TIMELESS: variants seen among roughly 807,000 people sequenced by gnomAD.
The protein encoded by TIMELESS is protein timeless homolog.
Under a neutral mutation model 164.3 loss-of-function variants are expected in TIMELESS, and 124 were observed. The observed-to-expected ratio is 0.75, with a 90% CI of 0.65 to 0.88. TIMELESS has a LOEUF of 0.88. Ranked by LOEUF, TIMELESS falls within the 40% of genes least tolerant of loss-of-function variation. The pLI, the probability that TIMELESS is intolerant of heterozygous loss-of-function variation, is 0.00. For missense variants in TIMELESS, 1,422 were observed against 1,491.4 expected (o/e 0.95, Z 0.77); for synonymous variants, 564 against 563.4 (o/e 1.00, Z -0.02).
chr12:56,423,231 T>G lies in TIMELESS; in HGVS notation c.2292+43A>C, dbSNP rs1344006860. 3.1e-6 allele frequency: 5 copies of G among 1,605,794 alleles called. No individual in the cohort carries two copies. In the South Asian group the frequency reaches 4.4e-5, roughly 14 times the overall value. ...TGAAGATTATTTATTTACCTGAGGGTTCCCATACCCTTCCAGAACCCCATT... is the reference window on the plus strand; with the variant it reads ...TGAAGATTATTTATTTACCTGAGGGGTCCCATACCCTTCCAGAACCCCATT... On this transcript the variant is annotated intron_variant, in intron 18 of 28. Coordinates refer to ENST00000553532, the MANE Select transcript of TIMELESS (RefSeq NM_003920.5).
At chr12:56,432,969 A>AG (rs1462806367) in intron 6 of TIMELESS, 57 bp downstream of exon 6, 5 of 1,227,820 alleles carry the variant, frequency 4.1e-6, no homozygotes, top group Non-Finnish European at 5.6e-6. Flanking sequence ...AAAAAAAAAA[A>AG]AAAAAGGCAG....
rs1881917207 is a variant in TIMELESS, at chr12:56,432,380, A to T, written c.676T>A (p.Phe226Ile). The change falls in exon 7 of 29, where the codon TTT becomes ATT. Residue 226 changes from phenylalanine (F) to isoleucine (I), a missense_variant. By Grantham distance (21) the Phe-to-Ile change is conservative. Coordinates refer to ENST00000553532, the MANE Select transcript of TIMELESS (RefSeq NM_003920.5). ...LHVLEIVSLM[F>I]RDQNPEQLAG... The stretch of plus-strand genomic sequence containing the variant: ...GGCCAGGGTCTCACCTGGTCACGAA[A>T]CATAAGGGAGACAATCTCTAGCACA... The T allele has an allele frequency of 6.2e-7, 1 of 1,613,744 alleles. No homozygotes were observed. The highest frequency in any genetic ancestry group is 1.3e-5 in the African/African-American group (1 of 74,934).
At chr12:56,431,278 C>T (rs1881869062) in intron 8 of TIMELESS, among the ~76,000 whole-genome samples, 193 bp downstream of exon 8, 1 of 150,500 alleles carries the variant, frequency 6.6e-6, no homozygotes, top group African/African-American at 2.4e-5. Context: ...CGCTTGAACC[C>T]AGGAGACAGA....
intron 26 of TIMELESS, 67 bp from the exon 27 acceptor site, chr12:56,418,426 T>A: frequency 8.8e-7 from 1 of 1,137,542 alleles, no homozygotes; most frequent in Non-Finnish European, 1.3e-6. Context: ...TGATATTCAT[T>A]GAATATATAT....
intron 8 of TIMELESS, 87 bp from the exon 9 acceptor site, chr12:56,431,055 T>G: frequency 1.1e-6 from 1 of 947,762 alleles, no homozygotes; most frequent in Non-Finnish European, 1.6e-6. Flanking sequence ...TGGAGCAAGT[T>G]AAAACTACAA....
chr12:56,433,114 C>T lies in TIMELESS; in HGVS notation c.443G>A (p.Arg148Gln), dbSNP rs779109612. 51 of 1,613,966 alleles carry T rather than the reference C, an allele frequency of 3.2e-5. No individual in the cohort carries two copies. Among genetic ancestry groups the T allele is most frequent in the East Asian group, 4.5e-5 (2 of 44,892 alleles). Residue 148 changes from arginine to glutamine, a missense_variant, in exon 6 of 29, where the codon CGG becomes CAG. Arg to Gln is a conservative substitution (Grantham distance 43). Coordinates refer to ENST00000553532, the MANE Select transcript of TIMELESS (RefSeq NM_003920.5). The stretch of plus-strand genomic sequence containing the variant: ...AATCAGCAAGTTGTCTTCCTCCTGC[C>T]GTTCCTCCCAGCCCTAACCAGAAGA... ...YELLQLGWEE[R>Q]QEEDNLLIER...
At position 56,417,647 on chromosome 12, in the gene TIMELESS, C is replaced by T; in HGVS notation, c.*69G>A. On this transcript the variant is annotated 3_prime_UTR_variant, in exon 29 of 29. Coordinates refer to ENST00000553532, the MANE Select transcript of TIMELESS (RefSeq NM_003920.5). ...GAGGAGCTTCTGGGTCCTGTATGAC[C>T]CTTCCAACTCTGACTTGAATGCACC... The T allele has an allele frequency of 6.6e-7, 1 of 1,509,704 alleles. No individual in the cohort carries two copies. Among genetic ancestry groups the T allele is most frequent in the African/African-American group, 1.4e-5 (1 of 72,932 alleles). 93.5% of individuals were successfully genotyped at this position (1,509,704 alleles called of 1,614,324 possible). A position where few individuals can be genotyped will look rare whatever the true frequency, so the allele number is the denominator to read the frequency against.
At chr12:56,443,684 C>G (rs1868309879) in intron 1 of TIMELESS, among the ~76,000 whole-genome samples, 1 of 152,174 alleles carries the variant, frequency 6.6e-6, no homozygotes, top group African/African-American at 2.4e-5. Context: ...AAGTCGCCAT[C>G]ATGGTCCTAC....
chr12:56,437,075 G>A (rs925733982), intron 1 of TIMELESS, among the ~76,000 whole-genome samples: 10 of 151,778 alleles, frequency 6.6e-5, no homozygotes, highest in South Asian at 2.1e-4. Flanking sequence ...AATTACAGGC[G>A]CACGCCACCA....
rs1309005040 is a variant in TIMELESS at position 56,425,892 on chromosome 12, AT to A, written c.1579-741del. On this transcript the variant is annotated intron_variant, in intron 13 of 28. Transcript: ENST00000553532. The stretch of plus-strand genomic sequence containing the variant: ...CCTGCTTAAAAAAATAAATAAATAA[AT>A]AAATAATTAAAAAAAAGAAAAGCAG... 5.9e-5 allele frequency among the ~76,000 whole-genome samples: 9 copies of A among 152,090 alleles called. No individual in the cohort carries two copies. The East Asian group carries it at 1.2e-3, about 20-fold the overall frequency.
chr12:56,421,351 C>T lies in TIMELESS; in HGVS notation c.2868G>A (p.Leu956=). ...KRQKKLASSI[L]PNGAESLKDF... ...AGCAGAGCTAGGGTCAGATTGTTAC[C>T]AAGATGGAGGATGCCAACTTTTTCT... The change falls in exon 23 of 29, where the codon TTG becomes TTA. Residue 956 remains leucine, a splice_region_variant and synonymous_variant. Coordinates refer to ENST00000553532, the MANE Select transcript of TIMELESS (RefSeq NM_003920.5). The T allele has an allele frequency of 6.2e-7, 1 of 1,613,400 alleles. No individual in the cohort carries two copies. The highest frequency in any genetic ancestry group is 8.5e-7 in the Non-Finnish European group (1 of 1,179,666).
At chr12:56,436,304 A>G (rs563981328) in intron 1 of TIMELESS, among the ~76,000 whole-genome samples, 2 of 152,004 alleles carry the variant, frequency 1.3e-5, no homozygotes, top group East Asian at 3.9e-4. Flanking sequence ...AAATACAAAA[A>G]TTAGCTGGGT....
At chr12:56,420,778 G>A (rs1881446859) in intron 25 of TIMELESS, 35 bp downstream of exon 25, 1 of 1,613,650 alleles carries the variant, frequency 6.2e-7, no homozygotes, top group Non-Finnish European at 8.5e-7. Flanking sequence ...TAGCCTCCAG[G>A]GCTCTTCTCC....
intron 1 of TIMELESS, among the ~76,000 whole-genome samples, chr12:56,439,872 T>C (rs1667683453): frequency 6.6e-6 from 1 of 152,214 alleles, no homozygotes; most frequent in Admixed American, 6.5e-5. Flanking sequence ...ATTTAATAAA[T>C]ATGACTTCAT....
At chr12:56,418,462 AG>A in intron 26 of TIMELESS, 103 bp from the exon 27 acceptor site, 2 of 795,212 alleles carry the variant, frequency 2.5e-6, no homozygotes, top group Non-Finnish European at 4.0e-6. Flanking sequence ...AAGATCCACA[AG>A]GGTTGTGAAC....
At chr12:56,426,121 T>G (rs1881669702) in intron 13 of TIMELESS, among the ~76,000 whole-genome samples, 1 of 152,180 alleles carries the variant, frequency 6.6e-6, no homozygotes, top group African/African-American at 2.4e-5. Context: ...TTAGTATTAC[T>G]AACAAGACTT....
At chr12:56,439,082 C>T (rs1323597768) in intron 1 of TIMELESS, among the ~76,000 whole-genome samples, 1 of 142,194 alleles carries the variant, frequency 7.0e-6, no homozygotes, top group Non-Finnish European at 1.5e-5. Context: ...AGGAGAATCG[C>T]TTGAGCCCTG....
Position 56,432,499 on chromosome 12 carries a change from T to C in TIMELESS, c.557A>G (p.His186Arg), listed in dbSNP as rs759044547. ...GTGAATCGCCCAGAGGAGCTGGTCA[T>C]GGGCACTGGCGTCATCATCAATCTT... ...EKKIDDDASA[H>R]DQLLWAIHLS... is the part of the protein sequence containing the mutation. Residue 186 changes from histidine (H) to arginine (R), a missense_variant, in exon 7 of 29, where the codon CAT becomes CGT. Coordinates refer to ENST00000553532, the MANE Select transcript of TIMELESS (RefSeq NM_003920.5). 1.9e-6 allele frequency: 3 copies of C among 1,614,094 alleles called. No individual in the cohort carries two copies. Among genetic ancestry groups the C allele is most frequent in the African/African-American group, 1.3e-5 (1 of 75,040 alleles).
At position 56,434,148 on chromosome 12, in the gene TIMELESS, C is replaced by T; in HGVS notation, c.23G>A (p.Cys8Tyr). 1.2e-6 allele frequency: 2 copies of T among 1,614,152 alleles called. No individual in the cohort carries two copies. Among genetic ancestry groups the T allele is most frequent in the Non-Finnish European group, 1.7e-6 (2 of 1,180,014 alleles). The stretch of plus-strand genomic sequence containing the variant: ...GGCACTACATGTGGCTAGAAGTTCA[C>T]AGTTCATCATGTGCAAGTCCATACA... MDLHMMN[C>Y]ELLATCSALG... Residue 8 changes from cysteine to tyrosine, a missense_variant, in exon 2 of 29, where the codon TGT becomes TAT. Physicochemically the swap from Cys to Tyr is radical, Grantham distance 194. Coordinates refer to ENST00000553532, the MANE Select transcript of TIMELESS (RefSeq NM_003920.5).
Sources: allele counts gnomAD v4.1 joint callset (sites outside exome capture counted in the v4.1 genomes callset), GRCh38; gene constraint gnomAD v4.1.1; transcripts MANE v1.5; gene names NCBI Gene and HGNC (gene_info 2026-07-23, HGNC 2026-07-21).